PLCB4: variants seen among roughly 807,000 people sequenced by gnomAD.
PLCB4 encodes phospholipase C beta 4, also known as 1-phosphatidylinositol 4,5-bisphosphate phosphodiesterase beta-4.
A neutral mutation model predicts 178.8 loss-of-function variants in PLCB4; 77 were observed. That is an observed-to-expected ratio of 0.43 (90% CI 0.36 to 0.52). PLCB4 has a LOEUF of 0.52. PLCB4 is among the 20% of genes least tolerant of loss of function. The probability of loss-of-function intolerance (pLI) is 0.00; values close to 1 mark genes in which losing one functional copy is unlikely to be tolerated. For missense variants in PLCB4, 1,024 were observed against 1,453.4 expected, an observed-to-expected ratio of 0.70 and a Z score of 4.80; for synonymous variants, 496 against 490.8, an observed-to-expected ratio of 1.01 and a Z score of -0.14.
intron 2 of PLCB4, among the ~76,000 whole-genome samples, chr20:9,141,933 A>T (rs1208318866): frequency 6.6e-6 from 1 of 152,068 alleles, no homozygotes; most frequent in African/African-American, 2.4e-5. Context: ...GAGAAGGAGC[A>T]GGAATGCCCT....
intron 28 of PLCB4, among the ~76,000 whole-genome samples, chr20:9,433,604 G>A (rs1211028208): frequency 2.0e-5 from 3 of 152,100 alleles, no homozygotes; most frequent in East Asian, 1.9e-4. Context: ...AAGGAAATGT[G>A]GCAAACAAAT....
intron 28 of PLCB4, among the ~76,000 whole-genome samples, chr20:9,427,361 C>T (rs1421100843): frequency 6.6e-6 from 1 of 151,000 alleles, no homozygotes; most frequent in Non-Finnish European, 1.5e-5. Flanking sequence ...AATACAGTCT[C>T]CTATCAGAAA....
chr20:9,124,654 A>G (rs905967357), intron 2 of PLCB4, among the ~76,000 whole-genome samples: 5 of 152,220 alleles, frequency 3.3e-5, no homozygotes, highest in Non-Finnish European at 7.3e-5. Context: ...ACAAGCAATG[A>G]TAAGAGAAAA....
chr20:9,081,869 A>G (rs1005074920), intron 1 of PLCB4, among the ~76,000 whole-genome samples: 8 of 151,810 alleles, frequency 5.3e-5, no homozygotes, highest in African/African-American at 1.9e-4. Context: ...ATTGAAAAGT[A>G]GCAGAATAAT....
chr20:9,201,884 A>T (rs1312022879), intron 2 of PLCB4, among the ~76,000 whole-genome samples: 1 of 152,176 alleles, frequency 6.6e-6, no homozygotes, highest in East Asian at 1.9e-4. Context: ...ACTTGTGGGT[A>T]TTTACCTAAG....
chr20:9,430,902 A>T (rs956560324), intron 28 of PLCB4, among the ~76,000 whole-genome samples: 3 of 152,258 alleles, frequency 2.0e-5, no homozygotes, highest in African/African-American at 7.2e-5. Context: ...ACACTTAAGC[A>T]CATGACTTTT....
Position 9,185,682 on chromosome 20 carries a change from G to A in PLCB4, c.-78-31708G>A, listed in dbSNP as rs560093411. On this transcript the variant is annotated intron_variant, in intron 2 of 39. Transcript: ENST00000378473. ...CCGAGTAAAAGCCAGAGTCTTTACC[G>A]TGACCCACCAGGCCTGTGTGATCTG... 9.9e-5 allele frequency among the ~76,000 whole-genome samples: 15 copies of A among 152,222 alleles called. No homozygotes were observed. In the South Asian group the frequency reaches 1.0e-3, roughly 11 times the overall value.
In PLCB4 at chr20:9,322,623, C is replaced by T. The variant is rs75619951; in HGVS notation, c.85-14503C>T. 3.4e-3 allele frequency among the ~76,000 whole-genome samples: 516 copies of T among 152,316 alleles called. 2 individuals carry two copies. Among genetic ancestry groups the T allele is most frequent in the African/African-American group, 0.012 (485 of 41,566 alleles). ...CTCTTCTGCTGTCAACTTTTCTTCT[C>T]CCAAGTACCTGAAAGGGCAGGTGAT... On this transcript the variant is annotated intron_variant, in intron 4 of 39. Transcript: ENST00000378473.
chr20:9,083,378 TAC>T (rs11469387), intron 1 of PLCB4, among the ~76,000 whole-genome samples: 73,345 of 150,518 alleles, frequency 0.49, 18,279 homozygotes, highest in Middle Eastern at 0.57. Context: ...CACACACTCA[TAC>T]ACACACACAC....
intron 3 of PLCB4, among the ~76,000 whole-genome samples, chr20:9,283,944 T>C (rs2094515815): frequency 6.6e-6 from 1 of 151,974 alleles, no homozygotes; most frequent in Non-Finnish European, 1.5e-5. Flanking sequence ...AATTCCTTCA[T>C]TGAGAAAAGT....
intron 2 of PLCB4, among the ~76,000 whole-genome samples, chr20:9,097,580 A>G (rs1165307098): frequency 1.3e-5 from 2 of 152,172 alleles, no homozygotes; most frequent in African/African-American, 2.4e-5. Context: ...GTTAGGGTAT[A>G]GAAACAATTT....
intron 2 of PLCB4, among the ~76,000 whole-genome samples, chr20:9,156,819 G>GCATC (rs1555848809): frequency 3.2e-5 from 1 of 31,264 alleles, no homozygotes; most frequent in Non-Finnish European, 5.3e-5. Flanking sequence ...TTACAGGGTT[G>GCATC]CCTCCCTCCC....
intron 2 of PLCB4, among the ~76,000 whole-genome samples, chr20:9,104,463 A>G (rs1332422259): frequency 6.6e-6 from 1 of 152,132 alleles, no homozygotes; most frequent in East Asian, 1.9e-4. Flanking sequence ...TTTGGGGACC[A>G]TGTTTTAAAA....
chr20:9,297,473 TATTC>T (rs1010889586), intron 3 of PLCB4, among the ~76,000 whole-genome samples: 1 of 152,020 alleles, frequency 6.6e-6, no homozygotes, highest in Admixed American at 6.6e-5. Flanking sequence ...CTAAATAACT[TATTC>T]AGGTAACCAA....
intron 20 of PLCB4, among the ~76,000 whole-genome samples, 198 bp downstream of exon 20, chr20:9,401,788 TAGTC>T (rs2039048397): frequency 1.3e-5 from 2 of 152,280 alleles, no homozygotes; most frequent in South Asian, 4.2e-4. Flanking sequence ...AATTACTCAT[TAGTC>T]AGGGCCAGTG....
chr20:9,338,764 T>A, intron 6 of PLCB4, 130 bp from the exon 7 acceptor site: 1 of 660,756 alleles, frequency 1.5e-6, no homozygotes, highest in Non-Finnish European at 2.6e-6. Flanking sequence ...CTACAGGTTT[T>A]AGAATAATGC....
intron 21 of PLCB4, among the ~76,000 whole-genome samples, chr20:9,406,324 C>T (rs1335617116): frequency 2.6e-5 from 4 of 152,024 alleles, no homozygotes; most frequent in African/African-American, 9.7e-5. Flanking sequence ...CGGACATGGC[C>T]GTTGTTTGGT....
At position 9,409,093 on chromosome 20, in the gene PLCB4, G is replaced by A. The variant is rs2039675459; in HGVS notation, c.1911G>A (p.Lys637=). 6.2e-7 allele frequency: 1 copy of A among 1,607,376 alleles called. No homozygotes were observed. Among genetic ancestry groups the A allele is most frequent in the Admixed American group, 1.7e-5 (1 of 57,866 alleles). The stretch of plus-strand genomic sequence containing the variant: ...GGCAAATGAGTCGCATTTACCCCAA[G>A]GGAGGCCGAGTCGATTCCAGTAATT... ...NKRQMSRIYP[K]GGRVDSSNYM... is the part of the protein sequence containing the mutation. Residue 637 remains lysine, a synonymous_variant, in exon 24 of 40, where the codon AAG becomes AAA. Transcript: ENST00000378473.
At chr20:9,250,308 A>C (rs1328114607) in intron 3 of PLCB4, among the ~76,000 whole-genome samples, 1 of 152,228 alleles carries the variant, frequency 6.6e-6, no homozygotes, top group East Asian at 1.9e-4. Flanking sequence ...TGCACCTGTC[A>C]GGTGGTACCC....
Sources: allele counts gnomAD v4.1 joint callset (sites outside exome capture counted in the v4.1 genomes callset), GRCh38; gene constraint gnomAD v4.1.1; transcripts MANE v1.5; gene names NCBI Gene and HGNC (gene_info 2026-07-23, HGNC 2026-07-21).